The following DGKB variants were observed in gnomAD, a reference collection of about 807,000 sequenced individuals.
DGKB encodes the protein 90 kDa diacylglycerol kinase.
Under a neutral mutation model 114.3 loss-of-function variants are expected in DGKB, and 67 were observed. That is an observed-to-expected ratio of 0.59 (90% CI 0.48 to 0.72). The LOEUF is 0.72. DGKB is among the 30% of genes least tolerant of loss of function. DGKB has a pLI of 0.00. For synonymous variants in DGKB, 398 were observed against 323.1 expected (o/e 1.23, Z -2.49); for missense variants, 907 against 975.2 (o/e 0.93, Z 0.93).
chr7:14,177,928 G>T, intron 24 of DGKB, 103 bp downstream of exon 24: 3 of 1,213,650 alleles, frequency 2.5e-6, no homozygotes, highest in Non-Finnish European at 2.2e-6. Context: ...TGATTATTTG[G>T]AGCCCAAAGA....
At chr7:14,268,203 T>C (rs1054195214) in intron 23 of DGKB, among the ~76,000 whole-genome samples, 12 of 126,504 alleles carry the variant, frequency 9.5e-5, no homozygotes, top group Non-Finnish European at 1.9e-4. Context: ...ACACCCATAG[T>C]CACTGTACCA....
intron 23 of DGKB, among the ~76,000 whole-genome samples, chr7:14,334,029 T>G (rs958502569): frequency 2.0e-5 from 3 of 152,182 alleles, no homozygotes. Flanking sequence ...TTATTAATAT[T>G]TGGGGGAGTT....
chr7:14,577,662 A>G (rs1371831326), intron 19 of DGKB, among the ~76,000 whole-genome samples: 1 of 152,158 alleles, frequency 6.6e-6, no homozygotes, highest in Admixed American at 6.5e-5. Context: ...TTGCCTCCTT[A>G]TTCTACACAA....
chr7:14,488,583 G>T (rs1238150181), intron 20 of DGKB, among the ~76,000 whole-genome samples: 1 of 151,572 alleles, frequency 6.6e-6, no homozygotes, highest in Non-Finnish European at 1.5e-5. Context: ...ACTTTGGGAG[G>T]CTGAGGTGGG....
At chr7:14,656,744 T>G (rs910537996) in intron 13 of DGKB, among the ~76,000 whole-genome samples, 25 of 74,212 alleles carry the variant, frequency 3.4e-4, no homozygotes, top group African/African-American at 1.6e-3. Context: ...AGTATATATA[T>G]AGGATATATA....
chr7:14,582,196 G>T (rs1242421386), intron 18 of DGKB, among the ~76,000 whole-genome samples: 2 of 152,138 alleles, frequency 1.3e-5, no homozygotes, highest in African/African-American at 2.4e-5. Context: ...TAACTGAAAT[G>T]AGACCAAAAA....
At chr7:14,629,152 C>G (rs1172387860) in intron 14 of DGKB, among the ~76,000 whole-genome samples, 3 of 151,962 alleles carry the variant, frequency 2.0e-5, no homozygotes, top group African/African-American at 7.2e-5. Flanking sequence ...TTAATTCTCT[C>G]ACACTTAAAT....
chr7:14,765,591 G>A (rs1436917983), intron 2 of DGKB, among the ~76,000 whole-genome samples: 2 of 151,720 alleles, frequency 1.3e-5, no homozygotes, highest in Admixed American at 1.3e-4. Context: ...CCAATGCCTT[G>A]CACAAAATAT....
At chr7:14,955,877 C>T (rs1786473888) in intron 1 of DGKB, among the ~76,000 whole-genome samples, 1 of 151,896 alleles carries the variant, frequency 6.6e-6, no homozygotes, top group Admixed American at 6.6e-5. Flanking sequence ...TTGAAGGATC[C>T]TCATAACCTA....
intron 20 of DGKB, among the ~76,000 whole-genome samples, chr7:14,491,182 T>C (rs1458204720): frequency 6.6e-6 from 1 of 152,072 alleles, no homozygotes; most frequent in Non-Finnish European, 1.5e-5. Flanking sequence ...TTCCCATGTG[T>C]TATGAGAGGG....
intron 2 of DGKB, among the ~76,000 whole-genome samples, chr7:14,794,014 C>G (rs1051204201): frequency 3.3e-5 from 5 of 152,086 alleles, no homozygotes; most frequent in Non-Finnish European, 7.4e-5. Context: ...ACCAACTACT[C>G]CACTAGTTCT....
chr7:14,702,553 A>G (rs886610644), intron 6 of DGKB, among the ~76,000 whole-genome samples: 5 of 152,156 alleles, frequency 3.3e-5, no homozygotes, highest in Admixed American at 3.3e-4. Context: ...ATTCCCTTGT[A>G]TAATTCACAC....
intron 1 of DGKB, among the ~76,000 whole-genome samples, chr7:14,899,909 G>T (rs996900203): frequency 6.6e-6 from 1 of 152,010 alleles, no homozygotes; most frequent in Admixed American, 6.6e-5. Flanking sequence ...TAGTCACATC[G>T]AGTGGTAAAT....
At chr7:14,458,964 C>T (rs752900083) in intron 21 of DGKB, among the ~76,000 whole-genome samples, 10 of 152,208 alleles carry the variant, frequency 6.6e-5, no homozygotes, top group Non-Finnish European at 1.3e-4. Flanking sequence ...TTGAAATTCT[C>T]GCTGTCAGCA....
At chr7:14,921,777 A>G (rs1784519458) in intron 1 of DGKB, among the ~76,000 whole-genome samples, 1 of 152,178 alleles carries the variant, frequency 6.6e-6, no homozygotes. Flanking sequence ...TTACTTTGAC[A>G]ACTATACTAA....
chr7:14,385,707 T>C lies in DGKB; in HGVS notation c.1836-40316A>G, dbSNP rs62444600. On this transcript the variant is annotated intron_variant, in intron 21 of 25. Transcript: ENST00000402815. The stretch of plus-strand genomic sequence containing the variant: ...TGTATAGGGTATCAAATAAATTGCA[T>C]TGAAGTGTAATTAACAAAACAAAAA... Among the ~76,000 whole-genome samples the C allele has an allele frequency of 5.8e-3, 890 of 152,308 alleles. 5 individuals carry two copies. Among genetic ancestry groups the C allele is most frequent in the Middle Eastern group, 0.017 (5 of 294 alleles).
At chr7:14,782,173 T>C (rs2128490403) in intron 2 of DGKB, among the ~76,000 whole-genome samples, 2 of 152,160 alleles carry the variant, frequency 1.3e-5, no homozygotes, top group Middle Eastern at 6.8e-3. Flanking sequence ...TATAGGCCTG[T>C]GCCACCAAAC....
At chr7:14,323,604 A>G (rs548983869) in intron 23 of DGKB, among the ~76,000 whole-genome samples, 4 of 152,338 alleles carry the variant, frequency 2.6e-5, no homozygotes, top group South Asian at 4.1e-4. Flanking sequence ...GAAGCCATGG[A>G]AAGTCATATT....
At chr7:14,312,243 G>C (rs1027684827) in intron 23 of DGKB, among the ~76,000 whole-genome samples, 20 of 152,160 alleles carry the variant, frequency 1.3e-4, no homozygotes, top group African/African-American at 4.6e-4. Flanking sequence ...TATGTGGAAC[G>C]CCACACTGGT....
Sources: allele counts gnomAD v4.1 joint callset (sites outside exome capture counted in the v4.1 genomes callset), GRCh38; gene constraint gnomAD v4.1.1; transcripts MANE v1.5; gene names NCBI Gene and HGNC (gene_info 2026-07-23, HGNC 2026-07-21).